PFKP: variants seen among roughly 807,000 people sequenced by gnomAD.
The protein encoded by PFKP is ATP-dependent 6-phosphofructokinase, platelet type.
PFKP carries 101 observed loss-of-function variants against 94.3 expected under a neutral mutation model. That is an observed-to-expected ratio of 1.07 (90% confidence interval 0.91 to 1.26). PFKP has a LOEUF of 1.26. PFKP is among the 50% of genes most tolerant of loss of function. The pLI, the probability that PFKP is intolerant of heterozygous loss-of-function variation, is 0.00. For missense variants in PFKP, 1,145 were observed against 1,103.3 expected, an observed-to-expected ratio of 1.04 and a Z score of -0.53; for synonymous variants, 573 against 432.6, an observed-to-expected ratio of 1.32 and a Z score of -4.03.
At chr10:3,093,860 G>A (rs181793418) in intron 2 of PFKP, among the ~76,000 whole-genome samples, 65 of 152,158 alleles carry the variant, frequency 4.3e-4, no homozygotes, top group South Asian at 2.5e-3. Flanking sequence ...AGCCAGGATG[G>A]TCTCCATCTC....
chr10:3,132,994 A>G (rs1195096937), intron 18 of PFKP, among the ~76,000 whole-genome samples: 4 of 152,218 alleles, frequency 2.6e-5, no homozygotes, highest in Non-Finnish European at 5.9e-5. Context: ...GGAATTTTCC[A>G]TTTAATATTT....
intron 17 of PFKP, among the ~76,000 whole-genome samples, chr10:3,131,984 G>A (rs79762478): frequency 0.015 from 2,224 of 152,128 alleles, 36 homozygotes; most frequent in East Asian, 0.044. Context: ...TCATCAGGCC[G>A]TCACATGAGA....
chr10:3,099,848 T>C (rs1834805994), intron 3 of PFKP, among the ~76,000 whole-genome samples: 1 of 151,724 alleles, frequency 6.6e-6, no homozygotes, highest in South Asian at 2.1e-4. Context: ...GAGTCTGTGT[T>C]TCTGTGTGTG....
At chr10:3,124,228 C>T (rs1196341622) in intron 16 of PFKP, among the ~76,000 whole-genome samples, 1 of 152,210 alleles carries the variant, frequency 6.6e-6, no homozygotes, top group African/African-American at 2.4e-5. Flanking sequence ...GGGATATTCA[C>T]AGTAAGACGG....
In PFKP at chr10:3,116,790, C is replaced by T; in HGVS notation, c.1386C>T (p.Gly462=). The change falls in exon 14 of 22, where the codon GGC becomes GGT. Residue 462 remains glycine (G), a synonymous_variant. Transcript: ENST00000381125. ...TTGCACATTAGATCAAAGAAATCGG[C>T]TGGACAGATGTCGGGGGCTGGACCG... ...GFAKGQIKEI[G]WTDVGGWTGQ... The T allele has an allele frequency of 6.2e-7, 1 of 1,613,644 alleles. No homozygotes were observed. Among genetic ancestry groups the T allele is most frequent in the South Asian group, 1.1e-5 (1 of 91,078 alleles).
chr10:3,105,990 A>G (rs1480694617), intron 7 of PFKP, among the ~76,000 whole-genome samples: 1 of 152,236 alleles, frequency 6.6e-6, no homozygotes, highest in African/African-American at 2.4e-5. Flanking sequence ...ACGGTGGCCC[A>G]GCAGTGTGAG....
At chr10:3,107,976 G>T in intron 8 of PFKP, 1 of 1,289,742 alleles carries the variant, frequency 7.8e-7, no homozygotes, top group East Asian at 5.5e-5. Flanking sequence ...GGCTTTGCAA[G>T]TCGGCTTCTT....
intron 16 of PFKP, among the ~76,000 whole-genome samples, chr10:3,121,977 G>A (rs532944664): frequency 1.7e-4 from 26 of 151,718 alleles, no homozygotes; most frequent in East Asian, 5.8e-4. Flanking sequence ...GGGTGCCACC[G>A]TGCCCAGCTA....
At position 3,124,392 on chromosome 10, in the gene PFKP, C is replaced by T. The variant is rs562529557; in HGVS notation, c.1683+4348C>T. On this transcript the variant is annotated intron_variant, in intron 16 of 21. Coordinates refer to ENST00000381125, the MANE Select transcript of PFKP (RefSeq NM_002627.5). ...CCCTGAGGTGGAGTCTGAAAAACCC[C>T]GGTGTACACGGGCTCAAGAACCGCT... Among the ~76,000 whole-genome samples, 19 of 152,332 alleles carry T rather than the reference C, an allele frequency of 1.2e-4. 1 individual carries two copies. The East Asian group carries it at 2.7e-3, about 22-fold the overall frequency.
At chr10:3,110,756 G>C (rs1476391120) in intron 10 of PFKP, among the ~76,000 whole-genome samples, 1 of 152,168 alleles carries the variant, frequency 6.6e-6, no homozygotes, top group Non-Finnish European at 1.5e-5. Flanking sequence ...CTCTGTATAT[G>C]CATATACATG....
At chr10:3,124,571 C>T (rs2131671145) in intron 16 of PFKP, among the ~76,000 whole-genome samples, 1 of 152,256 alleles carries the variant, frequency 6.6e-6, no homozygotes, top group Non-Finnish European at 1.5e-5. Flanking sequence ...CTGAGTGTGG[C>T]CCACCGGTAA....
intron 16 of PFKP, among the ~76,000 whole-genome samples, chr10:3,122,489 A>T (rs6602027): frequency 0.11 from 17,443 of 152,118 alleles, 1,061 homozygotes; most frequent in Middle Eastern, 0.15. Flanking sequence ...AATCCTGAGA[A>T]GGTTTGGATT....
At chr10:3,121,239 CTCTGACCTAGACGTTGCT>C (rs147270599) in intron 16 of PFKP, among the ~76,000 whole-genome samples, 4,894 of 152,320 alleles carry the variant, frequency 0.032, 202 homozygotes, top group Admixed American at 0.083. Context: ...AGTTGCTAAT[CTCTGACCTAGACGTTGCT>C]TCTGTTCTCC....
At chr10:3,091,812 C>G (rs192977979) in intron 2 of PFKP, among the ~76,000 whole-genome samples, 15 of 152,188 alleles carry the variant, frequency 9.9e-5, no homozygotes, top group African/African-American at 3.6e-4. Flanking sequence ...AGTCTTTTAT[C>G]TTAATTTTTT....
chr10:3,085,990 C>CG (rs758909437), intron 2 of PFKP, among the ~76,000 whole-genome samples: 6 of 144,118 alleles, frequency 4.2e-5, no homozygotes, highest in Non-Finnish European at 7.6e-5. Context: ...TTTGGGTGGG[C>CG]GGGGGAGAGG....
In PFKP at chr10:3,114,307, G is replaced by A. The variant is rs1467147217; in HGVS notation, c.1371+789G>A. Reference sequence around the variant, plus strand: ...TGAAATTACAGGCACGCGCCACCACGCCCAGCTCATTTTTGTATTTTTAGT... The same window carrying A: ...TGAAATTACAGGCACGCGCCACCACACCCAGCTCATTTTTGTATTTTTAGT... On this transcript the variant is annotated intron_variant, in intron 13 of 21. Transcript: ENST00000381125. Among the ~76,000 whole-genome samples the A allele has an allele frequency of 5.3e-5, 8 of 152,196 alleles. No homozygotes were observed. The East Asian group carries it at 1.2e-3, about 22-fold the overall frequency.
chr10:3,112,511 G>T (rs890256919), intron 11 of PFKP, among the ~76,000 whole-genome samples: 2 of 152,218 alleles, frequency 1.3e-5, no homozygotes, highest in African/African-American at 4.8e-5. Context: ...GGTGATGGTT[G>T]TTTAGGAGCT....
chr10:3,067,757 G>A, intron 1 of PFKP, 50 bp downstream of exon 1: 1 of 1,021,384 alleles, frequency 9.8e-7, no homozygotes, highest in Non-Finnish European at 1.4e-6. Flanking sequence ...GACGGAGCTG[G>A]GGAGAACCGG....
At chr10:3,113,785 C>T (rs1393969530) in intron 13 of PFKP, among the ~76,000 whole-genome samples, 2 of 151,218 alleles carry the variant, frequency 1.3e-5, no homozygotes, top group African/African-American at 2.5e-5. Flanking sequence ...GTCTGATGGC[C>T]CTGACATTAG....
Sources: allele counts gnomAD v4.1 joint callset (sites outside exome capture counted in the v4.1 genomes callset), GRCh38; gene constraint gnomAD v4.1.1; transcripts MANE v1.5; gene names NCBI Gene and HGNC (gene_info 2026-07-23, HGNC 2026-07-21).